ULK4: variants seen among roughly 807,000 people sequenced by gnomAD.
The protein encoded by ULK4 is inactive serine/threonine-protein kinase ULK4.
Under a neutral mutation model 160.6 loss-of-function variants are expected in ULK4, and 133 were observed. The ratio of observed to expected loss-of-function variants is 0.83; its 90% CI spans 0.72 to 0.96. The LOEUF (loss-of-function observed/expected upper bound fraction) is 0.96, where lower values mean the gene tolerates loss of function less well. Ranked by LOEUF, ULK4 falls within the 40% of genes least tolerant of loss-of-function variation. The probability of loss-of-function intolerance (pLI) is 0.00; values close to 1 mark genes in which losing one functional copy is unlikely to be tolerated. For missense variants in ULK4, 1,580 were observed against 1,499.5 expected, an observed-to-expected ratio of 1.05 and a Z score of -0.89; for synonymous variants, 534 against 539.8, an observed-to-expected ratio of 0.99 and a Z score of 0.15.
chr3:41,581,406 T>C (rs761234078), intron 31 of ULK4, among the ~76,000 whole-genome samples: 2 of 152,184 alleles, frequency 1.3e-5, no homozygotes, highest in Non-Finnish European at 2.9e-5. Context: ...TAATGAGAAC[T>C]TGTATACATT....
chr3:41,883,122 A>G (rs72864557), intron 17 of ULK4, among the ~76,000 whole-genome samples: 2,116 of 152,326 alleles, frequency 0.014, 46 homozygotes, highest in African/African-American at 0.048. Context: ...CCCAGACACT[A>G]TAAGGCCAGC....
At chr3:41,647,915 C>T (rs1056465119) in intron 30 of ULK4, among the ~76,000 whole-genome samples, 1 of 152,240 alleles carries the variant, frequency 6.6e-6, no homozygotes, top group Non-Finnish European at 1.5e-5. Context: ...CGCCCCTCCC[C>T]CAGCCTCGCT....
chr3:41,331,046 T>A (rs2080432213), intron 35 of ULK4, among the ~76,000 whole-genome samples: 1 of 152,236 alleles, frequency 6.6e-6, no homozygotes. Flanking sequence ...GCTCTTGGGC[T>A]GTTACTAAAC....
At chr3:41,268,505 C>A (rs535214151) in intron 35 of ULK4, among the ~76,000 whole-genome samples, 48 of 152,194 alleles carry the variant, frequency 3.2e-4, no homozygotes, top group African/African-American at 1.1e-3. Context: ...GGCAGACTAC[C>A]CTTAAATGCC....
chr3:41,401,754 AC>A (rs2082184495), intron 34 of ULK4, among the ~76,000 whole-genome samples: 1 of 152,122 alleles, frequency 6.6e-6, no homozygotes, highest in Admixed American at 6.6e-5. Flanking sequence ...CAGCCATTAT[AC>A]AATCAGTTAT....
chr3:41,303,299 G>A (rs967909241), intron 35 of ULK4, among the ~76,000 whole-genome samples: 2 of 152,060 alleles, frequency 1.3e-5, no homozygotes, highest in Admixed American at 6.5e-5. Context: ...AATTGTTGAA[G>A]GTATCATAGC....
At chr3:41,351,875 C>T (rs1436267367) in intron 35 of ULK4, among the ~76,000 whole-genome samples, 1 of 152,204 alleles carries the variant, frequency 6.6e-6, no homozygotes, top group African/African-American at 2.4e-5. Context: ...TCATCTGCTT[C>T]TAGGACTGCA....
At chr3:41,435,918 A>AC in intron 34 of ULK4, among the ~76,000 whole-genome samples, 1 of 151,790 alleles carries the variant, frequency 6.6e-6, no homozygotes, top group South Asian at 2.1e-4. Flanking sequence ...ATTGTACTCT[A>AC]GCCTGGGCAA....
chr3:41,562,140 G>A (rs556189987), intron 32 of ULK4, among the ~76,000 whole-genome samples: 2 of 152,320 alleles, frequency 1.3e-5, no homozygotes, highest in East Asian at 3.9e-4. Context: ...CTCAGGAGCA[G>A]CTTGTTCTGT....
At chr3:41,837,063 G>A (rs989174690) in intron 17 of ULK4, among the ~76,000 whole-genome samples, 8 of 152,182 alleles carry the variant, frequency 5.3e-5, no homozygotes, top group African/African-American at 1.9e-4. Flanking sequence ...AACTGAAAGT[G>A]CTTAAAAACT....
intron 32 of ULK4, among the ~76,000 whole-genome samples, chr3:41,474,218 T>C (rs540522645): frequency 3.0e-4 from 45 of 152,208 alleles, no homozygotes; most frequent in African/African-American, 1.0e-3. Flanking sequence ...GTGTAGCCAA[T>C]TGACTCTTGA....
intron 35 of ULK4, among the ~76,000 whole-genome samples, chr3:41,267,040 T>A (rs2079050139): frequency 6.9e-6 from 1 of 145,068 alleles, no homozygotes; most frequent in Non-Finnish European, 1.5e-5. Context: ...GTTTAAGGCT[T>A]TTTTTTTTTT....
At chr3:41,743,599 T>G (rs1420950076) in intron 22 of ULK4, among the ~76,000 whole-genome samples, 2 of 152,006 alleles carry the variant, frequency 1.3e-5, no homozygotes, top group African/African-American at 4.8e-5. Context: ...TATTTGATGA[T>G]TAAAAGCAAA....
chr3:41,613,473 T>C (rs991839894), intron 31 of ULK4, among the ~76,000 whole-genome samples: 5 of 151,830 alleles, frequency 3.3e-5, no homozygotes, highest in Admixed American at 6.6e-5. Context: ...TAAAACACCA[T>C]TGATTTGGAA....
At chr3:41,707,867 C>T (rs1389589252) in intron 25 of ULK4, among the ~76,000 whole-genome samples, 1 of 151,010 alleles carries the variant, frequency 6.6e-6, no homozygotes, top group African/African-American at 2.4e-5. Context: ...ATTGAATAGA[C>T]ATTACTCGAA....
chr3:41,296,107 T>C (rs545905891), intron 35 of ULK4, among the ~76,000 whole-genome samples: 191 of 152,308 alleles, frequency 1.3e-3, no homozygotes, highest in Non-Finnish European at 2.6e-3. Context: ...GAAAAGTGTA[T>C]ACAATGAACT....
At chr3:41,559,681 G>A (rs1361269577) in intron 32 of ULK4, among the ~76,000 whole-genome samples, 2 of 152,134 alleles carry the variant, frequency 1.3e-5, no homozygotes, top group Non-Finnish European at 2.9e-5. Context: ...CTTCTTTTGA[G>A]AAGTGTCTGT....
intron 17 of ULK4, among the ~76,000 whole-genome samples, chr3:41,865,860 T>C (rs1349070947): frequency 6.6e-6 from 1 of 151,290 alleles, no homozygotes. Context: ...CGAGAAAAAC[T>C]CTGTGACCTT....
At chr3:41,519,718 G>A (rs2085867273) in intron 32 of ULK4, among the ~76,000 whole-genome samples, 1 of 152,160 alleles carries the variant, frequency 6.6e-6, no homozygotes, top group Non-Finnish European at 1.5e-5. Flanking sequence ...TTGGTAAAAT[G>A]GGAACTTTAA....
Sources: gnomAD v4.1 joint callset for allele counts (sites outside exome capture counted in the v4.1 genomes callset) on GRCh38, gnomAD v4.1.1 for gene constraint, MANE v1.5 for transcripts, NCBI Gene and HGNC (gene_info 2026-07-23, HGNC 2026-07-21) for gene names.